Variants in ADGRD1 observed in about 807,000 individuals in gnomAD.
ADGRD1 encodes G-protein coupled receptor 133.
A neutral mutation model predicts 113.4 loss-of-function variants in ADGRD1; 77 were observed. The ratio of observed to expected loss-of-function variants is 0.68; its 90% CI spans 0.57 to 0.82. ADGRD1 has a LOEUF of 0.82. Among genes scored for constraint, ADGRD1 ranks in the 40% least tolerant of loss-of-function variants. The probability of loss-of-function intolerance (pLI) is 0.00; values close to 1 mark genes in which losing one functional copy is unlikely to be tolerated. For missense variants in ADGRD1, 1,036 were observed against 1,139.1 expected, an observed-to-expected ratio of 0.91 and a Z score of 1.30; for synonymous variants, 474 against 475.0, an observed-to-expected ratio of 1.00 and a Z score of 0.03.
At chr12:131,086,068 G>A (rs999172390) in intron 15 of ADGRD1, among the ~76,000 whole-genome samples, 5 of 152,160 alleles carry the variant, frequency 3.3e-5, no homozygotes, top group Non-Finnish European at 7.3e-5. Context: ...TGTCACCAGG[G>A]CTTGAACACC....
intron 13 of ADGRD1, among the ~76,000 whole-genome samples, chr12:131,049,291 T>C (rs1305224705): frequency 6.6e-6 from 1 of 152,150 alleles, no homozygotes; most frequent in Non-Finnish European, 1.5e-5. Context: ...GGGGGGCAGG[T>C]TGTGAGCCCT....
rs986673047 is a variant in ADGRD1, at chr12:131,096,979, T to C, written c.1672-7852T>C. On this transcript the variant is annotated intron_variant, in intron 15 of 24. Transcript: ENST00000261654. This position sits in a 1 kb window ranked among gnomAD's most constrained non-coding sequence, Gnocchi z 5.2. ...TTCTCTCGCCCCTACACGTGGCTTT[T>C]TGGGCAGTGGCCACGCCTCTGCTGT... Among the ~76,000 whole-genome samples, 4 of 152,182 alleles carry C rather than the reference T, an allele frequency of 2.6e-5. No homozygotes were observed. The highest frequency in any genetic ancestry group is 1.3e-4 in the Admixed American group (2 of 15,284).
chr12:131,033,933 TCCTC>T, intron 13 of ADGRD1, among the ~76,000 whole-genome samples: 1 of 152,240 alleles, frequency 6.6e-6, no homozygotes, highest in East Asian at 1.9e-4. Flanking sequence ...CCTCTGCCAG[TCCTC>T]CCCGGGGGAT....
chr12:131,074,479 G>A (rs1885423321), intron 13 of ADGRD1, among the ~76,000 whole-genome samples: 1 of 152,180 alleles, frequency 6.6e-6, no homozygotes, highest in African/African-American at 2.4e-5. Flanking sequence ...GCCACCTGGT[G>A]ACGAACTGAA....
rs894935096 is a variant in ADGRD1, at chr12:131,060,477, G to A, written c.1474-16324G>A. Among the ~76,000 whole-genome samples, 7 of 152,206 alleles carry A rather than the reference G, an allele frequency of 4.6e-5. No individual in the cohort carries two copies. The highest frequency in any genetic ancestry group is 2.1e-4 in the South Asian group (1 of 4,836). ...AGCATGGACAATGCTGTGTCAGAGC[G>A]ATGCTGGCTGTTAACTGCTGGCTGG... On this transcript the variant is annotated intron_variant, in intron 13 of 24. Transcript: ENST00000261654. This position sits in a 1 kb window ranked among gnomAD's most constrained non-coding sequence, Gnocchi z 4.4.
At chr12:130,973,004 G>A (rs1220198527) in intron 4 of ADGRD1, 3 of 152,222 alleles carry the variant, frequency 2.0e-5, no homozygotes, top group Admixed American at 6.5e-5. Context: ...CTGTGGCTGT[G>A]TTCGGTTGGA....
intron 13 of ADGRD1, among the ~76,000 whole-genome samples, chr12:131,028,899 G>A (rs761008294): frequency 6.6e-6 from 1 of 152,196 alleles, no homozygotes; most frequent in African/African-American, 2.4e-5. Context: ...TTGGTGAGAC[G>A]CATTTAAAAA....
Position 131,131,752 on chromosome 12 carries a change from A to C in ADGRD1, c.2203A>C (p.Thr735Pro). The change falls in exon 21 of 25, where the codon ACC becomes CCC. Residue 735 changes from threonine to proline, a missense_variant. Coordinates refer to ENST00000261654, the MANE Select transcript of ADGRD1 (RefSeq NM_198827.5). ...CAACATTGGCATCCTCATCGCTGTGACCAGAGTCATCTCACAGATCAGCGC... is the reference window on the plus strand; with the variant it reads ...CAACATTGGCATCCTCATCGCTGTGCCCAGAGTCATCTCACAGATCAGCGC... ...VVNIGILIAV[T>P]RVISQISADN... 6.2e-7 allele frequency: 1 copy of C among 1,611,652 alleles called. No individual in the cohort carries two copies. Among genetic ancestry groups the C allele is most frequent in the Non-Finnish European group, 8.5e-7 (1 of 1,178,986 alleles).
chr12:131,039,003 C>T lies in ADGRD1; in HGVS notation c.1473+24663C>T, dbSNP rs918523637. Reference sequence around the variant, plus strand: ...GGGAGGAGGAAGCCTATGGTCATCTCCCCAGAGCCTCTCCAGGCCAAGCTC... The same window carrying T: ...GGGAGGAGGAAGCCTATGGTCATCTTCCCAGAGCCTCTCCAGGCCAAGCTC... On this transcript the variant is annotated intron_variant, in intron 13 of 24. Coordinates refer to ENST00000261654, the MANE Select transcript of ADGRD1 (RefSeq NM_198827.5). 5.3e-5 allele frequency among the ~76,000 whole-genome samples: 8 copies of T among 152,370 alleles called. No individual in the cohort carries two copies. The East Asian group carries it at 1.2e-3, about 22-fold the overall frequency.
intron 17 of ADGRD1, 74 bp downstream of exon 17, chr12:131,105,939 T>C (rs1197705991): frequency 1.9e-6 from 2 of 1,076,696 alleles, no homozygotes; most frequent in African/African-American, 1.5e-5. Context: ...TGGCACCTTC[T>C]GCTAGCTTTT....
chr12:131,120,552 A>C, intron 19 of ADGRD1: 1 of 496,484 alleles, frequency 2.0e-6, no homozygotes, highest in Non-Finnish European at 3.7e-6. Flanking sequence ...CTCTGCAGGA[A>C]AGCCAGTCCC....
chr12:131,139,488 C>G lies in ADGRD1; in HGVS notation c.*225C>G. ...CGTGGGCCCTCCTGCCTTGCATCCA[C>G]CCGTGGGCTGAGTGACTTCCTCGGG... On this transcript the variant is annotated 3_prime_UTR_variant, in exon 25 of 25. Transcript: ENST00000261654. The G allele has an allele frequency of 1.9e-6, 1 of 526,468 alleles. No homozygotes were observed. Among genetic ancestry groups the G allele is most frequent in the South Asian group, 2.2e-5 (1 of 45,634 alleles). The allele number at this position is 526,468 out of a possible 1,614,324, so 32.6% of individuals were successfully genotyped here.
chr12:131,041,005 C>T lies in ADGRD1; in HGVS notation c.1473+26665C>T, dbSNP rs1468887282. 6.6e-6 allele frequency among the ~76,000 whole-genome samples: 1 copy of T among 152,118 alleles called. No individual in the cohort carries two copies. Among genetic ancestry groups the T allele is most frequent in the Non-Finnish European group, 1.5e-5 (1 of 68,022 alleles). ...GCAGGACAGTGGGGCTGAATGGTGGCCCCCCCGGAGTTTGCCATCATCCCC... is the reference window on the plus strand; with the variant it reads ...GCAGGACAGTGGGGCTGAATGGTGGTCCCCCCGGAGTTTGCCATCATCCCC... On this transcript the variant is annotated intron_variant, in intron 13 of 24. Coordinates refer to ENST00000261654, the MANE Select transcript of ADGRD1 (RefSeq NM_198827.5). The surrounding 1 kb of genome is among the most constrained non-coding windows in gnomAD (Gnocchi z 4.4).
rs879340155 is a variant in ADGRD1 at position 131,084,464 on chromosome 12, G to T, written c.1548-76G>T. ...TGAGTTCACGGGGCCATGTGTTATG[G>T]GGGGTGCTGCTCTCAGTCCCCTGCC... is the stretch of plus-strand genomic sequence containing the variant. On this transcript the variant is annotated intron_variant, in intron 14 of 24. Transcript: ENST00000261654. This position sits in a 1 kb window ranked among gnomAD's most constrained non-coding sequence, Gnocchi z 4.5. The T allele has an allele frequency of 4.6e-6, 7 of 1,533,812 alleles. No individual in the cohort carries two copies. The highest frequency in any genetic ancestry group is 6.3e-6 in the Non-Finnish European group (7 of 1,112,092).
rs1372861669 is a variant in ADGRD1 at position 130,966,594 on chromosome 12, G to A, written c.187+48G>A. ...CGGCTGTGGGCGCGGGAATCCCAGG[G>A]CCATCAGGAGGCGTGGGTGCTGAGA... On this transcript the variant is annotated intron_variant, in intron 3 of 24. Coordinates refer to ENST00000261654, the MANE Select transcript of ADGRD1 (RefSeq NM_198827.5). This position sits in a 1 kb window ranked among gnomAD's most constrained non-coding sequence, Gnocchi z 4.6. 1 of 1,156,452 alleles carries A rather than the reference G, an allele frequency of 8.6e-7. No homozygotes were observed. The highest frequency in any genetic ancestry group is 1.2e-5 in the South Asian group (1 of 81,896). 71.6% of individuals were successfully genotyped at this position (1,156,452 alleles called of 1,614,324 possible). A position where few individuals can be genotyped will look rare whatever the true frequency, so the allele number is the denominator to read the frequency against.
intron 13 of ADGRD1, among the ~76,000 whole-genome samples, chr12:131,046,338 TC>T (rs71982051): frequency 1.2e-3 from 97 of 81,250 alleles, no homozygotes; most frequent in African/African-American, 4.9e-3. Context: ...TGGTCAGTGC[TC>T]CCTCCCTGGT....
At chr12:131,122,635 CAG>C (rs964663860) in intron 20 of ADGRD1, among the ~76,000 whole-genome samples, 1 of 152,240 alleles carries the variant, frequency 6.6e-6, no homozygotes, top group African/African-American at 2.4e-5. Flanking sequence ...CGTTTAGTGA[CAG>C]AGGGTGGGAA....
At chr12:131,012,967 A>G (rs1227662428) in intron 12 of ADGRD1, among the ~76,000 whole-genome samples, 2 of 152,168 alleles carry the variant, frequency 1.3e-5, no homozygotes, top group Non-Finnish European at 2.9e-5. Context: ...TTCATGGAAC[A>G]GATACTTGGT....
chr12:131,104,484 G>A (rs538589926), intron 15 of ADGRD1, among the ~76,000 whole-genome samples: 22 of 152,310 alleles, frequency 1.4e-4, no homozygotes, highest in Non-Finnish European at 1.9e-4. Context: ...GGGAGGTCTG[G>A]CTCTGGGGCT....
Sources: gnomAD v4.1 joint callset for allele counts (sites outside exome capture counted in the v4.1 genomes callset) on GRCh38, gnomAD v4.1.1 for gene constraint, Gnocchi (gnomAD v3.1) non-coding constraint, MANE v1.5 for transcripts, NCBI Gene and HGNC (gene_info 2026-07-23, HGNC 2026-07-21) for gene names.